Variants in NSD1 observed in about 807,000 individuals in gnomAD.
NSD1 encodes histone-lysine N-methyltransferase, H3 lysine-36 specific.
NSD1 carries 26 observed loss-of-function variants against 242.7 expected under a neutral mutation model. The ratio of observed to expected loss-of-function variants is 0.11; its 90% CI spans 0.08 to 0.15. The LOEUF is 0.15. NSD1 is among the 10% of genes least tolerant of loss of function. The pLI is 1.00. For missense variants in NSD1, 2,495 were observed against 3,272.8 expected, an observed-to-expected ratio of 0.76 and a Z score of 5.80; for synonymous variants, 1,106 against 1,178.1, an observed-to-expected ratio of 0.94 and a Z score of 1.25.
Position 177,296,770 on chromosome 5 carries a change from T to C in NSD1, c.*1311T>C. The C allele has an allele frequency of 4.3e-6, 1 of 233,380 alleles. No individual in the cohort carries two copies. The highest frequency in any genetic ancestry group is 8.5e-6 in the Non-Finnish European group (1 of 118,096). The allele number at this position is 233,380 out of a possible 1,614,324, so 14.5% of individuals were successfully genotyped here. A position where few individuals can be genotyped will look rare whatever the true frequency, so the allele number is the denominator to read the frequency against. On this transcript the variant is annotated 3_prime_UTR_variant, in exon 23 of 23. Transcript: ENST00000439151. ...GCTGGGGCCCAAGGGCTGGGAAATCTGTTGGTGCTACCCTGCCCTACCATT... is the reference window on the plus strand; with the variant it reads ...GCTGGGGCCCAAGGGCTGGGAAATCCGTTGGTGCTACCCTGCCCTACCATT...
At chr5:177,216,940 G>A (rs1386324096) in intron 5 of NSD1, among the ~76,000 whole-genome samples, 1 of 149,008 alleles carries the variant, frequency 6.7e-6, no homozygotes, top group Non-Finnish European at 1.5e-5. Context: ...AGAAATGTAA[G>A]GCCTTCAGTT....
At chr5:177,241,446 A>C (rs946902277) in intron 8 of NSD1, among the ~76,000 whole-genome samples, 1 of 151,928 alleles carries the variant, frequency 6.6e-6, no homozygotes, top group Non-Finnish European at 1.5e-5. Flanking sequence ...CAGAGGTTGC[A>C]GTGAGTCGAG....
rs776330654 is a variant in NSD1 at position 177,209,781 on chromosome 5, C to T, written c.1382C>T (p.Thr461Ile). Residue 461 changes from threonine to isoleucine, a missense_variant, in exon 5 of 23, where the codon ACA (threonine) becomes ATA (isoleucine). Coordinates refer to ENST00000439151, the MANE Select transcript of NSD1 (RefSeq NM_022455.5). ...SEEDMPFEDC[T>I]NDPESEHDLL... ...GAAGATATGCCATTTGAAGACTGCA[C>T]AAATGATCCTGAGTCAGAACATGAC... The T allele has an allele frequency of 1.2e-6, 2 of 1,614,102 alleles. No individual in the cohort carries two copies. Among genetic ancestry groups the T allele is most frequent in the Middle Eastern group, 1.6e-4 (1 of 6,062 alleles).
At chr5:177,239,974 T>G (rs912644528) in intron 8 of NSD1, 109 bp downstream of exon 8, 7 of 691,148 alleles carry the variant, frequency 1.0e-5, no homozygotes, top group Non-Finnish European at 1.3e-5. Flanking sequence ...ATATAGAAAT[T>G]AGTGTGTGTG....
At chr5:177,132,071 C>T (rs529591312), upstream of NSD1, among the ~76,000 whole-genome samples, 43 of 152,296 alleles carry the variant, frequency 2.8e-4, no homozygotes, top group African/African-American at 9.9e-4. This position sits in a 1 kb window ranked among gnomAD's most constrained non-coding sequence, Gnocchi z 7.5. Flanking sequence ...GGGGATTGGA[C>T]GCCACGCGGT....
intron 2 of NSD1, among the ~76,000 whole-genome samples, chr5:177,186,212 G>T (rs1185763112): frequency 6.9e-6 from 1 of 145,904 alleles, no homozygotes; most frequent in East Asian, 2.0e-4. Flanking sequence ...GATTGCTTGA[G>T]CCCAGGAGGT....
At chr5:177,166,545 A>G (rs1014286624) in intron 2 of NSD1, among the ~76,000 whole-genome samples, 4 of 138,580 alleles carry the variant, frequency 2.9e-5, no homozygotes, top group African/African-American at 1.1e-4. Context: ...ATGCTGTCTG[A>G]AAAAAAAAAA....
chr5:177,142,198 T>G (rs1756882475), intron 2 of NSD1, among the ~76,000 whole-genome samples: 1 of 152,184 alleles, frequency 6.6e-6, no homozygotes, highest in African/African-American at 2.4e-5. Flanking sequence ...GTGTTCATGA[T>G]GACATCATTA....
chr5:177,231,638 T>C (rs1765065748), intron 5 of NSD1, among the ~76,000 whole-genome samples: 1 of 152,116 alleles, frequency 6.6e-6, no homozygotes, highest in Non-Finnish European at 1.5e-5. Flanking sequence ...CAGGCTAGTC[T>C]CGAACTCCTG....
At chr5:177,199,310 T>C (rs1437973385) in intron 3 of NSD1, among the ~76,000 whole-genome samples, 1 of 152,158 alleles carries the variant, frequency 6.6e-6, no homozygotes, top group African/African-American at 2.4e-5. Context: ...CAGGCTGGAG[T>C]GTAGTGACGC....
chr5:177,141,057 C>G (rs557474251), intron 2 of NSD1, among the ~76,000 whole-genome samples: 1 of 152,278 alleles, frequency 6.6e-6, no homozygotes, highest in African/African-American at 2.4e-5. Flanking sequence ...GAGTCTCACT[C>G]TGTCACCCAG....
At chr5:177,259,644 A>G (rs759740211) in intron 13 of NSD1, among the ~76,000 whole-genome samples, 3 of 152,204 alleles carry the variant, frequency 2.0e-5, no homozygotes, top group Non-Finnish European at 2.9e-5. Context: ...GAAAGGCTTT[A>G]AAAGAATCAC....
At chr5:177,287,217 A>G (rs1292626041) in intron 20 of NSD1, among the ~76,000 whole-genome samples, 1 of 152,254 alleles carries the variant, frequency 6.6e-6, no homozygotes. Flanking sequence ...TACATAGTAT[A>G]TGTTCAGTGA....
chr5:177,139,955 AAGG>A (rs1314667805), intron 2 of NSD1, among the ~76,000 whole-genome samples: 4 of 151,778 alleles, frequency 2.6e-5, no homozygotes, highest in East Asian at 3.8e-4. Flanking sequence ...AAAAAAAAAA[AAGG>A]AGAAAATTCT....
intron 2 of NSD1, among the ~76,000 whole-genome samples, chr5:177,181,554 T>A (rs1034790750): frequency 6.7e-6 from 1 of 148,838 alleles, no homozygotes; most frequent in Non-Finnish European, 1.5e-5. Context: ...GCCTCCTGAA[T>A]AGCTGGGATT....
In NSD1 at chr5:177,207,984, GAACTCCAGAGCTCATGTAATC is replaced by G. The variant is rs571137528; in HGVS notation, c.1237-1651_1237-1631del. ...TGGTTGTGTTACCCAGGTTGGTCTT[GAACTCCAGAGCTCATGTAATC>G]CACCTGCCTCAGCCTCTCAAAGTCC... On this transcript the variant is annotated intron_variant, in intron 4 of 22. Transcript: ENST00000439151. 2.4e-3 allele frequency among the ~76,000 whole-genome samples: 365 copies of G among 151,086 alleles called. 1 individual carries two copies. Among genetic ancestry groups the G allele is most frequent in the African/African-American group, 8.7e-3 (359 of 41,146 alleles).
At chr5:177,183,327 G>A (rs1207200472) in intron 2 of NSD1, among the ~76,000 whole-genome samples, 1 of 152,008 alleles carries the variant, frequency 6.6e-6, no homozygotes, top group East Asian at 1.9e-4. Flanking sequence ...TCACTTTATC[G>A]CAATATTTGC....
At chr5:177,166,634 A>G (rs1759225074) in intron 2 of NSD1, among the ~76,000 whole-genome samples, 1 of 151,622 alleles carries the variant, frequency 6.6e-6, no homozygotes, top group South Asian at 2.1e-4. Flanking sequence ...TGTTCAATCT[A>G]TGAATCCTTT....
At chr5:177,228,205 C>T (rs972246022) in intron 5 of NSD1, among the ~76,000 whole-genome samples, 1 of 151,530 alleles carries the variant, frequency 6.6e-6, no homozygotes, top group Admixed American at 6.6e-5. Context: ...AGAGAGAGCA[C>T]ATTCACGTAA....
Sources: allele counts gnomAD v4.1 joint callset (sites outside exome capture counted in the v4.1 genomes callset), GRCh38; gene constraint gnomAD v4.1.1; non-coding constraint Gnocchi (gnomAD v3.1); transcripts MANE v1.5; gene names NCBI Gene and HGNC (gene_info 2026-07-23, HGNC 2026-07-21).